SKI: variants seen among roughly 807,000 people sequenced by gnomAD.
SKI encodes the protein SKI proto-oncogene, also known as ski oncogene.
A neutral mutation model predicts 59.3 loss-of-function variants in SKI; 23 were observed. The ratio of observed to expected loss-of-function variants is 0.39; its 90% CI spans 0.28 to 0.55. The LOEUF (loss-of-function observed/expected upper bound fraction) is 0.55, where lower values mean the gene tolerates loss of function less well. SKI is among the 20% of genes least tolerant of loss of function. SKI has a pLI of 0.67. For missense variants in SKI, 1,017 were observed against 1,038.9 expected (o/e 0.98, Z 0.29); for synonymous variants, 673 against 488.6 (o/e 1.38, Z -4.98).
intron 1 of SKI, among the ~76,000 whole-genome samples, chr1:2,279,349 C>T (rs1361247499): frequency 6.6e-6 from 1 of 152,098 alleles, no homozygotes; most frequent in East Asian, 1.9e-4. Flanking sequence ...CTTTCCAGCC[C>T]CTCTCGGGGC....
chr1:2,291,651 TC>T (rs1640165129), intron 1 of SKI, among the ~76,000 whole-genome samples: 2 of 81,470 alleles, frequency 2.5e-5, no homozygotes, highest in Admixed American at 1.3e-4. Context: ...TCCAGCACCT[TC>T]CCCCCTGGAT....
intron 1 of SKI, among the ~76,000 whole-genome samples, chr1:2,248,604 G>A (rs1019359784): frequency 2.0e-5 from 3 of 152,212 alleles, no homozygotes; most frequent in Admixed American, 6.5e-5. Context: ...GGCGCTCTGC[G>A]CTGGTTCAGA....
intron 1 of SKI, among the ~76,000 whole-genome samples, chr1:2,257,846 C>T (rs1301418677): frequency 6.6e-6 from 1 of 152,162 alleles, no homozygotes; most frequent in Non-Finnish European, 1.5e-5. Flanking sequence ...TCAAGCAATT[C>T]TCCTACCTTA....
Position 2,268,143 on chromosome 1 carries a change from G to C in SKI, c.970-34835G>C, listed in dbSNP as rs1223201057. On this transcript the variant is annotated intron_variant, in intron 1 of 6. Transcript: ENST00000378536. The surrounding 1 kb of genome is among the most constrained non-coding windows in gnomAD (Gnocchi z 5.0). ...GCAGCCCTGGCCCAGGTGCCCCCTG[G>C]GTTGTGCGGCGGGGCCCTGGCTCTG... Among the ~76,000 whole-genome samples the C allele has an allele frequency of 1.3e-5, 2 of 152,192 alleles. No homozygotes were observed.
chr1:2,304,492 C>T lies in SKI; in HGVS notation c.1674C>T (p.Ala558=), dbSNP rs1640517681. The change falls in exon 5 of 7, where the codon GCC becomes GCT. Residue 558 remains alanine (A), a synonymous_variant. Coordinates refer to ENST00000378536, the MANE Select transcript of SKI (RefSeq NM_003036.4). ...ALEGGLDTKE[A]KEKFLHEVVK... is the part of the protein sequence containing the mutation. ...AGGGCGGCCTGGACACCAAGGAAGC[C>T]AAAGAGAAGTTCCTGCATGAGGTGG... 1.9e-6 allele frequency: 3 copies of T among 1,579,562 alleles called. No individual in the cohort carries two copies. Among genetic ancestry groups the T allele is most frequent in the Admixed American group, 1.8e-5 (1 of 55,484 alleles).
intron 5 of SKI, 107 bp from the exon 6 acceptor site, chr1:2,305,913 C>G: frequency 1.1e-6 from 1 of 889,650 alleles, no homozygotes; most frequent in East Asian, 2.6e-5. Context: ...CTCCAGGGCA[C>G]ATTGTCAGAT....
rs1373979387 is a variant in SKI at position 2,269,242 on chromosome 1, T to C, written c.970-33736T>C. Among the ~76,000 whole-genome samples the C allele has an allele frequency of 6.6e-6, 1 of 152,216 alleles. No homozygotes were observed. The highest frequency in any genetic ancestry group is 2.4e-5 in the African/African-American group (1 of 41,454). On this transcript the variant is annotated intron_variant, in intron 1 of 6. Coordinates refer to ENST00000378536, the MANE Select transcript of SKI (RefSeq NM_003036.4). This position sits in a 1 kb window ranked among gnomAD's most constrained non-coding sequence, Gnocchi z 4.7. ...GATGACAGGTGTGAGCCACCGTGCC[T>C]GGCCCATGTTTGATTCTCGATGCAG...
chr1:2,264,444 A>G (rs1639456235), intron 1 of SKI, among the ~76,000 whole-genome samples: 1 of 151,568 alleles, frequency 6.6e-6, no homozygotes, highest in African/African-American at 2.4e-5. Context: ...AATTTTTTGT[A>G]TTTTTAGTAG....
At position 2,229,336 on chromosome 1, in the gene SKI, C is replaced by G. The variant is rs1253539827; in HGVS notation, c.570C>G (p.Leu190=). 2.5e-6 allele frequency: 4 copies of G among 1,595,450 alleles called. No individual in the cohort carries two copies. The highest frequency in any genetic ancestry group is 2.6e-6 in the Non-Finnish European group (3 of 1,171,564). Residue 190 remains leucine (L), a synonymous_variant, in exon 1 of 7, where the codon CTC becomes CTG. Transcript: ENST00000378536. This position sits in a 1 kb window ranked among gnomAD's most constrained non-coding sequence, Gnocchi z 6.3. ...CCGAGCGCCTGTGCAACGCGCTGCT[C>G]TACGGCGGCGCCTACCCGCCGCCCT... ...TDAERLCNAL[L]YGGAYPPPCK...
intron 1 of SKI, among the ~76,000 whole-genome samples, chr1:2,280,621 C>T (rs1197264355): frequency 1.4e-5 from 2 of 145,200 alleles, no homozygotes; most frequent in African/African-American, 2.6e-5. Flanking sequence ...CCCGAGAAGA[C>T]AGGCGGCGGC....
At chr1:2,305,124 G>A (rs534095689) in intron 5 of SKI, among the ~76,000 whole-genome samples, 5 of 152,164 alleles carry the variant, frequency 3.3e-5, no homozygotes, top group African/African-American at 1.2e-4. Context: ...GAGAGGGCTC[G>A]GCCCGCACAG....
intron 1 of SKI, chr1:2,240,853 T>G: frequency 1.1e-6 from 1 of 949,770 alleles, no homozygotes; most frequent in South Asian, 4.8e-5. Flanking sequence ...GTGGGGGCCG[T>G]CCACAGCCCT....
intron 1 of SKI, among the ~76,000 whole-genome samples, chr1:2,264,805 TTTTC>T (rs1261457580): frequency 2.0e-5 from 3 of 151,860 alleles, no homozygotes; most frequent in Non-Finnish European, 4.4e-5. Flanking sequence ...CCTCTTCTTT[TTTTC>T]TTTCTTTCCT....
chr1:2,238,639 G>A (rs1327493280), intron 1 of SKI, among the ~76,000 whole-genome samples: 2 of 152,218 alleles, frequency 1.3e-5, no homozygotes, highest in Admixed American at 6.5e-5. Flanking sequence ...CGGGAGAGGA[G>A]CACACTGGAC....
intron 1 of SKI, among the ~76,000 whole-genome samples, chr1:2,264,250 T>C (rs1639450993): frequency 2.7e-5 from 4 of 150,326 alleles, no homozygotes; most frequent in Admixed American, 2.6e-4. Flanking sequence ...AAAGTTTCAA[T>C]TTTTTTTGTG....
chr1:2,230,934 C>T (rs1488234973), intron 1 of SKI, among the ~76,000 whole-genome samples: 3 of 152,152 alleles, frequency 2.0e-5, no homozygotes, highest in Non-Finnish European at 4.4e-5. Flanking sequence ...GGACTGTCGC[C>T]TCTGCTCGGA....
chr1:2,304,505 C>T lies in SKI; in HGVS notation c.1687C>T (p.Leu563=), dbSNP rs868545143. The change falls in exon 5 of 7, where the codon CTG becomes TTG. Residue 563 remains leucine (L), a synonymous_variant. Transcript: ENST00000378536. ...CACCAAGGAAGCCAAAGAGAAGTTC[C>T]TGCATGAGGTGGTCAAGATGCGCGT... ...LDTKEAKEKF[L]HEVVKMRVKQ... The T allele has an allele frequency of 1.3e-6, 2 of 1,581,958 alleles. No homozygotes were observed. Among genetic ancestry groups the T allele is most frequent in the Non-Finnish European group, 1.7e-6 (2 of 1,165,484 alleles).
chr1:2,254,316 C>G (rs559493860), intron 1 of SKI, among the ~76,000 whole-genome samples: 1 of 152,124 alleles, frequency 6.6e-6, no homozygotes, highest in Non-Finnish European at 1.5e-5. Flanking sequence ...TGGGAGGGCT[C>G]GGCTCTGCTC....
intron 1 of SKI, among the ~76,000 whole-genome samples, chr1:2,266,699 A>G (rs1170413974): frequency 3.9e-5 from 6 of 152,112 alleles, no homozygotes; most frequent in African/African-American, 2.4e-5. Context: ...ATCGCAGTCC[A>G]TGAGTGACCT....
Sources: allele counts gnomAD v4.1 joint callset (sites outside exome capture counted in the v4.1 genomes callset), GRCh38; gene constraint gnomAD v4.1.1; non-coding constraint Gnocchi (gnomAD v3.1); transcripts MANE v1.5; gene names NCBI Gene and HGNC (gene_info 2026-07-23, HGNC 2026-07-21).